Variants in NPAS3 observed in about 807,000 individuals in gnomAD.
The protein encoded by NPAS3 is neuronal PAS domain-containing protein 3.
Under a neutral mutation model 73.1 loss-of-function variants are expected in NPAS3, and 14 were observed. That is an observed-to-expected ratio of 0.19 (90% CI 0.13 to 0.30). The LOEUF (loss-of-function observed/expected upper bound fraction) is 0.30. Ranked by LOEUF, NPAS3 falls within the 10% of genes least tolerant of loss-of-function variation. The probability of loss-of-function intolerance (pLI) is 1.00; values close to 1 mark genes in which losing one functional copy is unlikely to be tolerated. For missense variants in NPAS3, 1,096 were observed against 1,250.0 expected (o/e 0.88, Z 1.86); for synonymous variants, 620 against 541.5 (o/e 1.14, Z -2.01).
chr14:32,960,152 G>T (rs1056799002), intron 1 of NPAS3, among the ~76,000 whole-genome samples: 2 of 152,022 alleles, frequency 1.3e-5, no homozygotes, highest in East Asian at 1.9e-4. Context: ...GAGATCACCC[G>T]AGAGGGTTTA....
In NPAS3 at chr14:33,212,158, G is replaced by C. The variant is rs1429856916; in HGVS notation, c.141-3024G>C. Among the ~76,000 whole-genome samples, 3 of 152,082 alleles carry C rather than the reference G, an allele frequency of 2.0e-5. No homozygotes were observed. In the East Asian group the frequency reaches 5.8e-4, roughly 29 times the overall value. ...GAGTGAAAGATTAATGCACAATCTA[G>C]AGTGTCATTGTCTTAAGGTCTTTGT... On this transcript the variant is annotated intron_variant, in intron 2 of 11. Coordinates refer to ENST00000356141, the Ensembl canonical transcript of NPAS3.
intron 3 of NPAS3, among the ~76,000 whole-genome samples, chr14:33,336,857 A>G (rs1367726469): frequency 9.5e-6 from 1 of 105,576 alleles, no homozygotes; most frequent in Non-Finnish European, 1.8e-5. Context: ...CTTTTCAGGT[A>G]CTTATTAGCC....
chr14:33,175,994 T>C (rs936414250), intron 2 of NPAS3, among the ~76,000 whole-genome samples: 9 of 152,218 alleles, frequency 5.9e-5, no homozygotes, highest in Non-Finnish European at 1.3e-4. Context: ...TGTATATCCA[T>C]GTATTTATAA....
chr14:33,118,271 A>G (rs576190232), intron 2 of NPAS3, among the ~76,000 whole-genome samples: 3 of 152,068 alleles, frequency 2.0e-5, no homozygotes, highest in African/African-American at 7.2e-5. Context: ...TTTAGCTATG[A>G]TGGGGATTGG....
chr14:33,162,085 A>G (rs1433939113), intron 2 of NPAS3, among the ~76,000 whole-genome samples: 3 of 152,216 alleles, frequency 2.0e-5, no homozygotes, highest in Non-Finnish European at 4.4e-5. Flanking sequence ...GCCCTGATGT[A>G]TATTTGCTGA....
intron 1 of NPAS3, among the ~76,000 whole-genome samples, chr14:32,977,047 A>AACACAC (rs10628639): frequency 2.4e-3 from 358 of 149,398 alleles, no homozygotes; most frequent in African/African-American, 5.2e-3. Flanking sequence ...TGGTCAAGGT[A>AACACAC]ACACACACAC....
intron 1 of NPAS3, among the ~76,000 whole-genome samples, chr14:33,046,125 G>A (rs926123789): frequency 9.2e-5 from 14 of 152,192 alleles, no homozygotes; most frequent in African/African-American, 3.4e-4. Context: ...AAAGTCACGA[G>A]CTTGGTAAAT....
At chr14:33,049,634 A>C (rs2040632523) in intron 1 of NPAS3, among the ~76,000 whole-genome samples, 1 of 152,230 alleles carries the variant, frequency 6.6e-6, no homozygotes, top group Non-Finnish European at 1.5e-5. Flanking sequence ...TCCCTCCCAC[A>C]ACACATGGGA....
At chr14:33,637,666 C>T (rs2058559637) in intron 5 of NPAS3, among the ~76,000 whole-genome samples, 1 of 152,298 alleles carries the variant, frequency 6.6e-6, no homozygotes, top group Middle Eastern at 3.4e-3. Context: ...TAGGTTCTTA[C>T]AACAAATGAC....
intron 3 of NPAS3, among the ~76,000 whole-genome samples, chr14:33,255,160 G>T (rs569575330): frequency 6.6e-6 from 1 of 152,134 alleles, no homozygotes; most frequent in South Asian, 2.1e-4. Context: ...AACATAGCAG[G>T]TTTGGAAATA....
chr14:33,317,850 C>G (rs1583802), intron 3 of NPAS3, among the ~76,000 whole-genome samples: 2 of 151,866 alleles, frequency 1.3e-5, no homozygotes, highest in African/African-American at 4.8e-5. Context: ...TAACAGCTAC[C>G]GTAATATGAA....
At chr14:32,950,938 A>C (rs2139139285) in intron 1 of NPAS3, among the ~76,000 whole-genome samples, 1 of 152,250 alleles carries the variant, frequency 6.6e-6, no homozygotes, top group Middle Eastern at 3.4e-3. Context: ...CTTTGTGTAC[A>C]ACAATGGGCA....
chr14:33,743,557 C>T (rs2061707506), intron 7 of NPAS3, among the ~76,000 whole-genome samples: 1 of 152,130 alleles, frequency 6.6e-6, no homozygotes, highest in Non-Finnish European at 1.5e-5. Context: ...CTTAAGAGCC[C>T]TAGGATTTCC....
intron 4 of NPAS3, among the ~76,000 whole-genome samples, chr14:33,548,963 T>A (rs1159849883): frequency 6.6e-6 from 1 of 152,208 alleles, no homozygotes; most frequent in Non-Finnish European, 1.5e-5. Context: ...TATGGTAGCA[T>A]TATTAGCTCC....
At chr14:33,143,472 C>A (rs1399410614) in intron 2 of NPAS3, among the ~76,000 whole-genome samples, 1 of 151,570 alleles carries the variant, frequency 6.6e-6, no homozygotes, top group African/African-American at 2.4e-5. Context: ...GTCTGGGCAA[C>A]AAGAACGAAA....
intron 3 of NPAS3, among the ~76,000 whole-genome samples, chr14:33,237,297 A>G (rs1413685011): frequency 6.6e-6 from 1 of 152,110 alleles, no homozygotes; most frequent in Non-Finnish European, 1.5e-5. Flanking sequence ...ACTTTGTTAA[A>G]CAGCATTTCC....
chr14:33,717,909 A>C (rs532364869), intron 6 of NPAS3, among the ~76,000 whole-genome samples: 6 of 152,182 alleles, frequency 3.9e-5, no homozygotes, highest in Non-Finnish European at 5.9e-5. Flanking sequence ...ACAAAATAAA[A>C]TGGTTATTGA....
At chr14:33,122,522 A>G (rs1252094993) in intron 2 of NPAS3, among the ~76,000 whole-genome samples, 1 of 152,158 alleles carries the variant, frequency 6.6e-6, no homozygotes, top group Non-Finnish European at 1.5e-5. Context: ...AAAGATCACT[A>G]AAATGACTTT....
chr14:33,701,633 T>C (rs2060525327), intron 6 of NPAS3, among the ~76,000 whole-genome samples: 1 of 152,224 alleles, frequency 6.6e-6, no homozygotes, highest in Non-Finnish European at 1.5e-5. Context: ...GTTTGCTTCA[T>C]ATTTAGACAC....
Sources: allele counts gnomAD v4.1 joint callset (sites outside exome capture counted in the v4.1 genomes callset), GRCh38; gene constraint gnomAD v4.1.1; transcripts MANE v1.5; gene names NCBI Gene and HGNC (gene_info 2026-07-23, HGNC 2026-07-21).